The following ANO5 variants were observed in gnomAD, a reference collection of about 807,000 sequenced individuals.
ANO5 encodes anoctamin-5.
A neutral mutation model predicts 121.0 loss-of-function variants in ANO5; 109 were observed. The observed-to-expected ratio is 0.90, with a 90% CI of 0.77 to 1.06. The LOEUF (loss-of-function observed/expected upper bound fraction) is 1.06. ANO5 is among the 50% of genes least tolerant of loss of function. The pLI, the probability that ANO5 is intolerant of heterozygous loss-of-function variation, is 0.00. For synonymous variants in ANO5, 406 were observed against 359.9 expected, an observed-to-expected ratio of 1.13 and a Z score of -1.45; for missense variants, 1,064 against 1,078.5, an observed-to-expected ratio of 0.99 and a Z score of 0.19.
intron 9 of ANO5, among the ~76,000 whole-genome samples, chr11:22,249,885 T>A (rs191555289): frequency 3.9e-5 from 6 of 152,312 alleles, no homozygotes; most frequent in Admixed American, 3.9e-4. Flanking sequence ...TTGTAGAATA[T>A]TCTGTAGTTT....
chr11:22,267,508 T>TTTTATATATATATA (rs1554932860), intron 17 of ANO5, among the ~76,000 whole-genome samples: 4 of 126,096 alleles, frequency 3.2e-5, no homozygotes, highest in African/African-American at 1.9e-4. Flanking sequence ...ATATCTACAA[T>TTTTATATATATATA]TATATATATA....
At chr11:22,208,826 G>T (rs1042367340) in intron 2 of ANO5, among the ~76,000 whole-genome samples, 1 of 151,954 alleles carries the variant, frequency 6.6e-6, no homozygotes, top group African/African-American at 2.4e-5. Flanking sequence ...GTTAAAAAAA[G>T]TGAATACAAC....
chr11:22,193,230 C>T lies in ANO5; in HGVS notation c.-263C>T. On this transcript the variant is annotated 5_prime_UTR_variant, in exon 1 of 22. Coordinates refer to ENST00000324559, the MANE Select transcript of ANO5 (RefSeq NM_213599.3). ...GTGGGGAAGCGCAGGGCCAAGCGCG[C>T]GAAGCAGGTTGTGGGGGACCGGGTC... 9.2e-7 allele frequency: 1 copy of T among 1,088,798 alleles called. No individual in the cohort carries two copies. The highest frequency in any genetic ancestry group is 1.1e-6 in the Non-Finnish European group (1 of 894,484). The allele number at this position is 1,088,798 out of a possible 1,614,324, so 67.4% of individuals were successfully genotyped here.
intron 13 of ANO5, among the ~76,000 whole-genome samples, chr11:22,256,321 T>C (rs529868264): frequency 4.6e-5 from 7 of 152,326 alleles, no homozygotes; most frequent in Admixed American, 4.6e-4. Context: ...CTCTCTTCAA[T>C]AGAATTCCCT....
chr11:22,240,890 T>C (rs1487726177), intron 9 of ANO5, among the ~76,000 whole-genome samples: 1 of 152,016 alleles, frequency 6.6e-6, no homozygotes, highest in African/African-American at 2.4e-5. Context: ...AGTATATTAC[T>C]GATGTCCTTC....
At chr11:22,240,558 T>C (rs1036098098) in intron 9 of ANO5, among the ~76,000 whole-genome samples, 3 of 152,120 alleles carry the variant, frequency 2.0e-5, no homozygotes, top group African/African-American at 7.2e-5. Flanking sequence ...AGTCAGTTTA[T>C]AAACTGGGGC....
At chr11:22,265,197 C>A (rs1387184903) in intron 17 of ANO5, among the ~76,000 whole-genome samples, 2 of 152,078 alleles carry the variant, frequency 1.3e-5, no homozygotes, top group African/African-American at 4.8e-5. Flanking sequence ...GATAAACAGA[C>A]AATCTTTAAA....
chr11:22,240,415 A>G (rs939060665), intron 9 of ANO5, among the ~76,000 whole-genome samples: 3 of 152,026 alleles, frequency 2.0e-5, no homozygotes, highest in Admixed American at 6.6e-5. Flanking sequence ...TTGCATTGCT[A>G]TGCTTACACA....
At position 22,222,286 on chromosome 11, in the gene ANO5, C is replaced by G. The variant is rs186975553; in HGVS notation, c.294+1076C>G. Reference sequence around the variant, plus strand: ...TTCTATTCCTCAACAATTTTACCTCCTGGATCACTGTCCGTCTTTCCAGCA... The same window carrying G: ...TTCTATTCCTCAACAATTTTACCTCGTGGATCACTGTCCGTCTTTCCAGCA... On this transcript the variant is annotated intron_variant, in intron 5 of 21. Transcript: ENST00000324559. Among the ~76,000 whole-genome samples, 273 of 152,044 alleles carry G rather than the reference C, an allele frequency of 1.8e-3. 1 individual carries two copies. The highest frequency in any genetic ancestry group is 0.017 in the Middle Eastern group (5 of 294).
In ANO5 at chr11:22,274,571, C is replaced by A; in HGVS notation, c.2238C>A (p.Ala746=). The A allele has an allele frequency of 6.3e-7, 1 of 1,589,672 alleles. No individual in the cohort carries two copies. The highest frequency in any genetic ancestry group is 8.6e-7 in the Non-Finnish European group (1 of 1,166,322). The part of the protein sequence containing the change: ...GMAVLSVATN[A]FIVAFTSDII... ...CTCTTTTTTTTTTTATTCTTCAGGCCTTTATTGTTGCATTTACGTCAGACA... is the reference window on the plus strand; with the variant it reads ...CTCTTTTTTTTTTTATTCTTCAGGCATTTATTGTTGCATTTACGTCAGACA... The change falls in exon 20 of 22, where the codon GCC becomes GCA. Residue 746 remains alanine, a splice_region_variant and synonymous_variant. Coordinates refer to ENST00000324559, the MANE Select transcript of ANO5 (RefSeq NM_213599.3).
intron 17 of ANO5, among the ~76,000 whole-genome samples, chr11:22,263,630 G>C (rs1304612500): frequency 1.3e-5 from 2 of 152,152 alleles, no homozygotes; most frequent in African/African-American, 2.4e-5. Context: ...TCAAATAGTA[G>C]ATGAAAATTG....
intron 3 of ANO5, among the ~76,000 whole-genome samples, chr11:22,217,676 A>T (rs1852492400): frequency 6.6e-6 from 1 of 151,958 alleles, no homozygotes; most frequent in Non-Finnish European, 1.5e-5. Flanking sequence ...AACTAACACA[A>T]AAACAGAAAA....
intron 1 of ANO5, 37 bp downstream of exon 1, chr11:22,193,569 G>A (rs754876830): frequency 8.7e-6 from 14 of 1,604,934 alleles, no homozygotes; most frequent in Middle Eastern, 1.7e-4. Context: ...GGAGAGCCAG[G>A]CTGGCTGCCT....
At chr11:22,203,908 AG>A in intron 2 of ANO5, 58 bp downstream of exon 2, 1 of 1,148,718 alleles carries the variant, frequency 8.7e-7, no homozygotes. Context: ...AATCAAGATA[AG>A]GTTAACTAAG....
At position 22,262,109 on chromosome 11, in the gene ANO5, A is replaced by T. The variant is rs758336808; in HGVS notation, c.1631-20A>T. On this transcript the variant is annotated intron_variant, in intron 15 of 21. Coordinates refer to ENST00000324559, the MANE Select transcript of ANO5 (RefSeq NM_213599.3). ...AAAAAAATAAGAAGATGCACTAAAC[A>T]TTTTTTTTTAACTTAACAGAAATTC... 6.5e-7 allele frequency: 1 copy of T among 1,547,358 alleles called. No homozygotes were observed. Among genetic ancestry groups the T allele is most frequent in the African/African-American group, 1.4e-5 (1 of 73,190 alleles).
rs1197881110 is a variant in ANO5, at chr11:22,218,233, G to A, written c.139-13G>A. 1.9e-6 allele frequency: 3 copies of A among 1,612,624 alleles called. No homozygotes were observed. The highest frequency in any genetic ancestry group is 2.5e-6 in the Non-Finnish European group (3 of 1,179,570). The stretch of plus-strand genomic sequence containing the variant: ...GGGCAGGAAGTGCTAATTCTTTATT[G>A]GTTGCTTCACAGCCTGCAAAGCGAT... On this transcript the variant is annotated splice_polypyrimidine_tract_variant and intron_variant, in intron 3 of 21. Transcript: ENST00000324559.
chr11:22,281,663 G>A lies in ANO5; in HGVS notation c.*1898G>A, dbSNP rs1855085492. On this transcript the variant is annotated 3_prime_UTR_variant, in exon 22 of 22. Transcript: ENST00000324559. ...TGGGTGCTGATAAAAATAAGAAAGA[G>A]CATGGAAATTGGTTTCTTGAATATA... The A allele has an allele frequency of 6.6e-6, 1 of 151,926 alleles. No individual in the cohort carries two copies. The highest frequency in any genetic ancestry group is 6.6e-5 in the Admixed American group (1 of 15,218). The allele number at this position is 151,926 out of a possible 1,614,324, so 9.4% of individuals were successfully genotyped here. A position where few individuals can be genotyped will look rare whatever the true frequency, so the allele number is the denominator to read the frequency against.
At chr11:22,225,912 T>C (rs1335807673) in intron 5 of ANO5, 72 bp from the exon 6 acceptor site, 2 of 1,193,146 alleles carry the variant, frequency 1.7e-6, no homozygotes, top group African/African-American at 1.5e-5. Flanking sequence ...CCATTGTATA[T>C]TGAATCTGTC....
intron 1 of ANO5, among the ~76,000 whole-genome samples, chr11:22,193,788 A>G (rs1252448187): frequency 6.6e-6 from 1 of 152,100 alleles, no homozygotes; most frequent in Non-Finnish European, 1.5e-5. Flanking sequence ...TGTGACCCCT[A>G]TGGTTCCGGA....
Sources: gnomAD v4.1 joint callset for allele counts (sites outside exome capture counted in the v4.1 genomes callset) on GRCh38, gnomAD v4.1.1 for gene constraint, MANE v1.5 for transcripts, NCBI Gene and HGNC (gene_info 2026-07-23, HGNC 2026-07-21) for gene names.